Variants in TXNDC16 observed in about 807,000 individuals in gnomAD.
The protein encoded by TXNDC16 is thioredoxin domain containing 16.
In TXNDC16, 74 loss-of-function variants were observed where a neutral mutation model predicts 85.6. That is an observed-to-expected ratio of 0.86 (90% CI 0.72 to 1.05). TXNDC16 has a LOEUF of 1.05. Among genes scored for constraint, TXNDC16 ranks in the 50% least tolerant of loss-of-function variants. The pLI, the probability that TXNDC16 is intolerant of heterozygous loss-of-function variation, is 0.00. For synonymous variants in TXNDC16, 335 were observed against 326.5 expected (o/e 1.03, Z -0.28); for missense variants, 959 against 947.0 (o/e 1.01, Z -0.17).
At position 52,519,153 on chromosome 14, in the gene TXNDC16, A is replaced by G. The variant is rs371398876; in HGVS notation, c.514+19T>C. The G allele has an allele frequency of 1.2e-6, 2 of 1,602,642 alleles. No individual in the cohort carries two copies. Among genetic ancestry groups the G allele is most frequent in the Non-Finnish European group, 1.7e-6 (2 of 1,175,486 alleles). ...AGTACAGAGGCACAGCAAAGATTAA[A>G]GCAAAAGTTAAAGAATACCTGGTAT... On this transcript the variant is annotated intron_variant, in intron 7 of 20. Coordinates refer to ENST00000281741, the MANE Select transcript of TXNDC16 (RefSeq NM_020784.3).
intron 14 of TXNDC16, among the ~76,000 whole-genome samples, chr14:52,480,979 A>ATATATATATATATATATATG (rs2036136622): frequency 1.3e-5 from 1 of 75,742 alleles, no homozygotes; most frequent in African/African-American, 5.8e-5. Context: ...ATATATGTAT[A>ATATATATATATATATATATG]TATATATATA....
At chr14:52,504,308 G>A (rs905749820) in intron 9 of TXNDC16, among the ~76,000 whole-genome samples, 1 of 152,138 alleles carries the variant, frequency 6.6e-6, no homozygotes, top group Non-Finnish European at 1.5e-5. Flanking sequence ...AAATGTTAAG[G>A]GCAGCCAGAG....
intron 6 of TXNDC16, among the ~76,000 whole-genome samples, chr14:52,525,741 T>TAAA (rs1555341748): frequency 5.8e-5 from 6 of 103,190 alleles, no homozygotes; most frequent in African/African-American, 2.0e-4. Flanking sequence ...ATAATAATAA[T>TAAA]AATAAATAAA....
At chr14:52,494,996 T>C (rs1203946553) in intron 9 of TXNDC16, among the ~76,000 whole-genome samples, 1 of 152,204 alleles carries the variant, frequency 6.6e-6, no homozygotes, top group Non-Finnish European at 1.5e-5. Flanking sequence ...CAAATAAACA[T>C]GTGACCTGAA....
Position 52,490,910 on chromosome 14 carries a change from T to C in TXNDC16, c.852A>G (p.Glu284=). The change falls in exon 10 of 21, where the codon GAA becomes GAG. Residue 284 remains glutamate (E), a synonymous_variant. Transcript: ENST00000281741. ...CCCATTCTGCAGTTCTTCTATCAGC[T>C]TCATAAGTAGCCTGTTGGCTAACAA... ...VFIVSQQATY[E]ADRRTAEWVA... 1.9e-6 allele frequency: 3 copies of C among 1,613,586 alleles called. No homozygotes were observed. The highest frequency in any genetic ancestry group is 2.5e-6 in the Non-Finnish European group (3 of 1,179,886).
chr14:52,469,015 A>AG (rs2035840445), intron 16 of TXNDC16, among the ~76,000 whole-genome samples: 2 of 152,172 alleles, frequency 1.3e-5, no homozygotes, highest in African/African-American at 4.8e-5. Context: ...CACATACAGA[A>AG]GGAAAAAAAA....
intron 3 of TXNDC16, 36 bp downstream of exon 3, chr14:52,543,362 T>C: frequency 6.3e-7 from 1 of 1,578,002 alleles, no homozygotes; most frequent in Non-Finnish European, 8.6e-7. Context: ...AATAAAAACA[T>C]CACAAGAATC....
chr14:52,526,095 G>C (rs888920855), intron 6 of TXNDC16, among the ~76,000 whole-genome samples: 6 of 152,026 alleles, frequency 3.9e-5, no homozygotes, highest in African/African-American at 1.4e-4. Flanking sequence ...AGGGCCAACT[G>C]TATTACCATT....
At position 52,482,924 on chromosome 14, in the gene TXNDC16, T is replaced by G; in HGVS notation, c.1150A>C (p.Arg384=). 6.2e-7 allele frequency: 1 copy of G among 1,611,182 alleles called. No homozygotes were observed. The highest frequency in any genetic ancestry group is 8.5e-7 in the Non-Finnish European group (1 of 1,179,302). Residue 384 remains arginine (R), a synonymous_variant, in exon 13 of 21, where the codon AGG becomes CGG. Transcript: ENST00000281741. ...DEVAETVFRD[R]KRKLPLELTV... is the part of the protein sequence containing the mutation. ...AGTTCCAAAGGTAATTTTCTCTTCC[T>G]ATCTCTGAAAACAGTTTCTGCCACT...
At chr14:52,526,615 A>G (rs2037341306) in intron 6 of TXNDC16, among the ~76,000 whole-genome samples, 1 of 152,206 alleles carries the variant, frequency 6.6e-6, no homozygotes, top group South Asian at 2.1e-4. Flanking sequence ...TATCTGTGAT[A>G]CTGTAAAATA....
At position 52,432,652 on chromosome 14, in the gene TXNDC16, G is replaced by C. The variant is rs182439540; in HGVS notation, c.2195-65C>G. The C allele has an allele frequency of 3.5e-4, 476 of 1,352,238 alleles. 1 individual carries two copies. In the African/African-American group the frequency reaches 6.4e-3, roughly 18 times the overall value. The allele number at this position is 1,352,238 out of a possible 1,614,324, so 83.8% of individuals were successfully genotyped here. A position where few individuals can be genotyped will look rare whatever the true frequency, so the allele number is the denominator to read the frequency against. The stretch of plus-strand genomic sequence containing the variant: ...TATAAATCGTCACATCAACATATTA[G>C]AAAATGTTTTATTTTGAAAAATATA... On this transcript the variant is annotated intron_variant, in intron 20 of 20. Transcript: ENST00000281741.
chr14:52,505,375 C>T (rs925319518), intron 9 of TXNDC16, among the ~76,000 whole-genome samples: 1 of 152,158 alleles, frequency 6.6e-6, no homozygotes, highest in African/African-American at 2.4e-5. Flanking sequence ...TCTCTCAGAC[C>T]ACAGTGCAAT....
intron 18 of TXNDC16, among the ~76,000 whole-genome samples, chr14:52,446,235 T>A (rs550343962): frequency 6.6e-6 from 1 of 152,296 alleles, no homozygotes; most frequent in African/African-American, 2.4e-5. Context: ...CCACACTGCA[T>A]GAAGAGAGAA....
rs551501766 is a variant in TXNDC16, at chr14:52,511,918, T to C, written c.606-528A>G. On this transcript the variant is annotated intron_variant, in intron 8 of 20. Coordinates refer to ENST00000281741, the MANE Select transcript of TXNDC16 (RefSeq NM_020784.3). ...GAAATATTACAAAACTCAGCAAATA[T>C]GGCTTATAATTTGAGCTTTCGCATT... Among the ~76,000 whole-genome samples, 23 of 152,286 alleles carry C rather than the reference T, an allele frequency of 1.5e-4. No homozygotes were observed. The South Asian group carries it at 4.8e-3, about 32-fold the overall frequency.
intron 16 of TXNDC16, among the ~76,000 whole-genome samples, chr14:52,463,661 T>A (rs2035705625): frequency 6.6e-6 from 1 of 152,216 alleles, no homozygotes; most frequent in Admixed American, 6.5e-5. Flanking sequence ...GTGAGTGGTA[T>A]AAGAGTTGGT....
At chr14:52,478,283 A>G (rs1434333889) in intron 14 of TXNDC16, among the ~76,000 whole-genome samples, 2 of 152,142 alleles carry the variant, frequency 1.3e-5, no homozygotes, top group South Asian at 2.1e-4. Context: ...AGAAACAAGA[A>G]CAAACCAAAT....
chr14:52,502,078 G>T (rs2036672227), intron 9 of TXNDC16, among the ~76,000 whole-genome samples: 1 of 152,132 alleles, frequency 6.6e-6, no homozygotes, highest in Admixed American at 6.5e-5. Context: ...AGTATTCCTA[G>T]GCTGACATCA....
chr14:52,468,265 A>AT (rs1368714574), intron 16 of TXNDC16, among the ~76,000 whole-genome samples: 1 of 152,196 alleles, frequency 6.6e-6, no homozygotes, highest in African/African-American at 2.4e-5. Context: ...TGTTATCAAA[A>AT]TTTTTTTAAA....
intron 8 of TXNDC16, among the ~76,000 whole-genome samples, chr14:52,512,992 C>T (rs1483879762): frequency 1.3e-5 from 2 of 152,058 alleles, no homozygotes; most frequent in African/African-American, 2.4e-5. Flanking sequence ...AGTGGACTGG[C>T]GGGCCCTAGG....
Sources: allele counts gnomAD v4.1 joint callset (sites outside exome capture counted in the v4.1 genomes callset), GRCh38; gene constraint gnomAD v4.1.1; transcripts MANE v1.5; gene names NCBI Gene and HGNC (gene_info 2026-07-23, HGNC 2026-07-21).